Variants in CRB1 observed in about 807,000 individuals in gnomAD.
CRB1 encodes protein crumbs homolog 1.
Under a neutral mutation model 120.0 loss-of-function variants are expected in CRB1, and 83 were observed. The observed-to-expected ratio is 0.69, with a 90% CI of 0.58 to 0.83. The LOEUF (loss-of-function observed/expected upper bound fraction) is 0.83, where lower values mean the gene tolerates loss of function less well. Among genes scored for constraint, CRB1 ranks in the 40% least tolerant of loss-of-function variants. The pLI is 0.00. For synonymous variants in CRB1, 625 were observed against 612.5 expected, an observed-to-expected ratio of 1.02 and a Z score of -0.30; for missense variants, 1,699 against 1,687.6, an observed-to-expected ratio of 1.01 and a Z score of -0.12.
At chr1:197,376,166 A>G (rs1661635840) in intron 5 of CRB1, among the ~76,000 whole-genome samples, 1 of 152,090 alleles carries the variant, frequency 6.6e-6, no homozygotes, top group East Asian at 1.9e-4. Flanking sequence ...CCTAGGATTC[A>G]ATCCTTAAAC....
intron 1 of CRB1, among the ~76,000 whole-genome samples, chr1:197,309,481 G>A (rs1389055970): frequency 6.6e-6 from 1 of 152,072 alleles, no homozygotes; most frequent in Non-Finnish European, 1.5e-5. Flanking sequence ...ACGGCCAGGC[G>A]CTGTGGCTCA....
Position 197,355,778 on chromosome 1 carries a change from C to T in CRB1, c.989-1053C>T, listed in dbSNP as rs1660443942. Among the ~76,000 whole-genome samples the T allele has an allele frequency of 3.9e-5, 6 of 152,274 alleles. No individual in the cohort carries two copies. The South Asian group carries it at 1.2e-3, about 32-fold the overall frequency. The stretch of plus-strand genomic sequence containing the variant: ...TCGGTTCCCACACACATCTGTCCCT[C>T]CACACCTCCCCGCAGGCTGAGGGAG... On this transcript the variant is annotated intron_variant, in intron 4 of 11. Transcript: ENST00000367400.
upstream of CRB1, among the ~76,000 whole-genome samples, chr1:197,264,599 A>C (rs1352759053): frequency 2.0e-5 from 3 of 151,622 alleles, no homozygotes; most frequent in East Asian, 1.9e-4. Context: ...AGTGAATAAG[A>C]ACAGTGCATT....
intron 2 of CRB1, among the ~76,000 whole-genome samples, chr1:197,342,872 A>C (rs1659550347): frequency 6.6e-6 from 1 of 152,076 alleles, no homozygotes; most frequent in Non-Finnish European, 1.5e-5. Context: ...ATGGTCTGTC[A>C]AAAAAATTTA....
At position 197,428,007 on chromosome 1, in the gene CRB1, G is replaced by GC; in HGVS notation, c.2676+6_2676+7insC. ...CTGGAGACAACAGCTGCAAGGTAAT[G>GC]ATTACTCATACAAACTAGGTATATA... On this transcript the variant is annotated splice_region_variant and intron_variant, in intron 7 of 11. Transcript: ENST00000367400. 6.2e-7 allele frequency: 1 copy of GC among 1,612,448 alleles called. No homozygotes were observed. The highest frequency in any genetic ancestry group is 8.5e-7 in the Non-Finnish European group (1 of 1,179,158).
At chr1:197,429,783 C>A (rs1664788085) in intron 8 of CRB1, among the ~76,000 whole-genome samples, 169 bp downstream of exon 8, 1 of 152,150 alleles carries the variant, frequency 6.6e-6, no homozygotes, top group South Asian at 2.1e-4. Context: ...CCTCATCCTG[C>A]CCTTGGTGGC....
chr1:197,205,822 G>A, the CRB1 span, among the ~76,000 whole-genome samples: 1 of 151,556 alleles, frequency 6.6e-6, no homozygotes, highest in African/African-American at 2.4e-5. Flanking sequence ...CAATAGGATT[G>A]GTACCAATTT....
chr1:197,442,270 C>T lies in CRB1; in HGVS notation c.3983C>T (p.Ala1328Val), dbSNP rs762975680. The T allele has an allele frequency of 2.5e-6, 4 of 1,614,058 alleles. No individual in the cohort carries two copies. The highest frequency in any genetic ancestry group is 1.3e-5 in the African/African-American group (1 of 74,918). Residue 1328 changes from alanine to valine, a missense_variant, in exon 11 of 12, where the codon GCT becomes GTT. Ala to Val is a moderately conservative substitution (Grantham distance 64). Coordinates refer to ENST00000367400, the MANE Select transcript of CRB1 (RefSeq NM_201253.3). ...CAGTGCCTCTGTGATGTTGCCTTTG[C>T]TGGCGAGCGCTGCGAGGTGGACGTA... ...KFQCLCDVAF[A>V]GERCEVDLAD...
At chr1:197,414,805 T>A (rs1287861543) in intron 5 of CRB1, among the ~76,000 whole-genome samples, 1 of 152,214 alleles carries the variant, frequency 6.6e-6, no homozygotes, top group East Asian at 1.9e-4. Context: ...GACATTTTTA[T>A]CTTTTTTCCC....
At chr1:197,370,103 A>G (rs964422896) in intron 5 of CRB1, among the ~76,000 whole-genome samples, 1 of 152,108 alleles carries the variant, frequency 6.6e-6, no homozygotes, top group African/African-American at 2.4e-5. Context: ...ACGCTGAGAG[A>G]TTTCTCCACT....
chr1:197,420,535 G>A (rs979485781), intron 5 of CRB1, among the ~76,000 whole-genome samples: 10 of 152,076 alleles, frequency 6.6e-5, no homozygotes, highest in African/African-American at 2.4e-4. Context: ...GGAATTATGG[G>A]GAAGTATAAA....
Position 197,435,280 on chromosome 1 carries a change from G to A in CRB1, c.3417G>A (p.Gln1139=). Residue 1139 remains glutamine, a synonymous_variant, in exon 9 of 12, where the codon CAG becomes CAA. Transcript: ENST00000367400. ...STNSVVTGCL[Q]LNVCNSNPCL... is the part of the protein sequence containing the mutation. Reference sequence around the variant, plus strand: ...ATTCAGTGGTCACTGGCTGTTTGCAGTTAAATGTCTGCAACTCCAACCCCT... The same window carrying A: ...ATTCAGTGGTCACTGGCTGTTTGCAATTAAATGTCTGCAACTCCAACCCCT... 2 of 1,613,872 alleles carry A rather than the reference G, an allele frequency of 1.2e-6. No homozygotes were observed. Among genetic ancestry groups the A allele is most frequent in the Non-Finnish European group, 1.7e-6 (2 of 1,179,838 alleles).
At chr1:197,232,182 G>C in the CRB1 span, among the ~76,000 whole-genome samples, 1 of 152,132 alleles carries the variant, frequency 6.6e-6, no homozygotes, top group East Asian at 1.9e-4. Context: ...ATTCTCTAGA[G>C]GATCCAAGGG....
At chr1:197,204,416 T>C in the CRB1 span, among the ~76,000 whole-genome samples, 1 of 152,218 alleles carries the variant, frequency 6.6e-6, no homozygotes, top group African/African-American at 2.4e-5. Flanking sequence ...AGTGTTCCCT[T>C]TTCACCATGT....
chr1:197,435,732 A>C, intron 9 of CRB1, 120 bp downstream of exon 9: 1 of 865,764 alleles, frequency 1.2e-6, no homozygotes, highest in Non-Finnish European at 1.8e-6. Context: ...ACAGGGTGAC[A>C]CTGGTAGCTT....
intron 4 of CRB1, among the ~76,000 whole-genome samples, chr1:197,355,634 C>G (rs1243384300): frequency 3.3e-5 from 5 of 152,234 alleles, no homozygotes; most frequent in Non-Finnish European, 5.9e-5. Flanking sequence ...CAGCTGCTGG[C>G]CCGGGTGCTA....
intron 11 of CRB1, among the ~76,000 whole-genome samples, chr1:197,471,720 G>A (rs1189056541): frequency 2.0e-5 from 3 of 152,132 alleles, no homozygotes; most frequent in Admixed American, 1.3e-4. Flanking sequence ...ATTTATGGTT[G>A]AAAATTGGCT....
intron 4 of CRB1, among the ~76,000 whole-genome samples, chr1:197,354,233 T>G (rs551264162): frequency 6.6e-6 from 1 of 152,200 alleles, no homozygotes; most frequent in Non-Finnish European, 1.5e-5. Context: ...GTTTGGCAGC[T>G]TTTATTAAAA....
intron 1 of CRB1, among the ~76,000 whole-genome samples, chr1:197,289,492 A>G (rs562387184): frequency 6.6e-6 from 1 of 151,706 alleles, no homozygotes; most frequent in South Asian, 2.1e-4. Flanking sequence ...ATTTTTTCAA[A>G]TGTTATTTAT....
Sources: allele counts gnomAD v4.1 joint callset (sites outside exome capture counted in the v4.1 genomes callset), GRCh38; gene constraint gnomAD v4.1.1; transcripts MANE v1.5; gene names NCBI Gene and HGNC (gene_info 2026-07-23, HGNC 2026-07-21).